ZZZ3: variants seen among roughly 807,000 people sequenced by gnomAD.
The protein encoded by ZZZ3 is zinc finger ZZ-type containing 3.
Under a neutral mutation model 95.2 loss-of-function variants are expected in ZZZ3, and 22 were observed. The observed-to-expected ratio is 0.23, with a 90% CI of 0.17 to 0.33. The LOEUF (loss-of-function observed/expected upper bound fraction) is 0.33, where lower values mean the gene tolerates loss of function less well. ZZZ3 is among the 10% of genes least tolerant of loss of function. The pLI, the probability that ZZZ3 is intolerant of heterozygous loss-of-function variation, is 1.00. For synonymous variants in ZZZ3, 335 were observed against 358.9 expected (o/e 0.93, Z 0.75); for missense variants, 885 against 1,066.5 (o/e 0.83, Z 2.37).
chr1:77,652,551 T>C (rs368718766), intron 1 of ZZZ3, among the ~76,000 whole-genome samples: 1 of 152,228 alleles, frequency 6.6e-6, no homozygotes, highest in South Asian at 2.1e-4. Flanking sequence ...CTCAACAAGT[T>C]AGACATACAA....
At chr1:77,665,813 C>T (rs1251129756) in intron 1 of ZZZ3, among the ~76,000 whole-genome samples, 3 of 151,934 alleles carry the variant, frequency 2.0e-5, no homozygotes, top group South Asian at 2.1e-4. Context: ...GAGGCCGAGG[C>T]GGGCGGATCA....
chr1:77,587,747 A>C (rs1167509828), intron 5 of ZZZ3, among the ~76,000 whole-genome samples: 1 of 152,154 alleles, frequency 6.6e-6, no homozygotes, highest in Non-Finnish European at 1.5e-5. Context: ...AACACAACAC[A>C]GTTCGAACTG....
At position 77,633,293 on chromosome 1, in the gene ZZZ3, TCA is replaced by T; in HGVS notation, c.60_61del (p.Asp20GlufsTer6). On this transcript the variant is annotated frameshift_variant, in exon 5 of 15. Coordinates refer to ENST00000370801, the MANE Select transcript of ZZZ3 (RefSeq NM_015534.6). LOFTEE classifies it high-confidence loss of function. Reference sequence around the variant, plus strand: ...CCTTAAAGTTCTACCACAAAAAGATTCATCCAAGCCGTTTAACCCCACTGTTG... The same window carrying T: ...CCTTAAAGTTCTACCACAAAAAGATTTCCAAGCCGTTTAACCCCACTGTTG... 2 of 1,613,986 alleles carry T rather than the reference TCA, an allele frequency of 1.2e-6. No homozygotes were observed. Among genetic ancestry groups the T allele is most frequent in the Non-Finnish European group, 1.7e-6 (2 of 1,179,946 alleles).
At chr1:77,674,741 CAGG>C (rs1361163228) in intron 1 of ZZZ3, among the ~76,000 whole-genome samples, 1 of 152,028 alleles carries the variant, frequency 6.6e-6, no homozygotes, top group Admixed American at 6.6e-5. Context: ...CACTTGAGGT[CAGG>C]AGTTCAAAAC....
intron 1 of ZZZ3, among the ~76,000 whole-genome samples, chr1:77,678,449 T>C (rs900313114): frequency 1.3e-5 from 2 of 152,186 alleles, no homozygotes; most frequent in African/African-American, 4.8e-5. Flanking sequence ...GTTACTTTTA[T>C]AGCAATCTCA....
chr1:77,597,805 C>A (rs546865916), intron 5 of ZZZ3, among the ~76,000 whole-genome samples: 1 of 152,064 alleles, frequency 6.6e-6, no homozygotes, highest in African/African-American at 2.4e-5. Flanking sequence ...ATGTGGTATC[C>A]TACATGGGAT....
At chr1:77,655,429 C>T (rs1670182077) in intron 1 of ZZZ3, among the ~76,000 whole-genome samples, 1 of 152,148 alleles carries the variant, frequency 6.6e-6, no homozygotes, top group Admixed American at 6.6e-5. Context: ...CAAGTTTAAG[C>T]CCCTTCAGCC....
chr1:77,661,608 A>T (rs1412933284), intron 1 of ZZZ3, among the ~76,000 whole-genome samples: 1 of 152,096 alleles, frequency 6.6e-6, no homozygotes, highest in African/African-American at 2.4e-5. Flanking sequence ...AAAAATTACA[A>T]CCTCTCTGAG....
chr1:77,637,078 C>A (rs775067845), intron 4 of ZZZ3, among the ~76,000 whole-genome samples: 18 of 152,160 alleles, frequency 1.2e-4, no homozygotes, highest in Non-Finnish European at 2.4e-4. Context: ...GACCTACCAA[C>A]GAATTAGGCT....
chr1:77,630,852 G>C (rs1667740707), intron 5 of ZZZ3, among the ~76,000 whole-genome samples: 1 of 152,112 alleles, frequency 6.6e-6, no homozygotes, highest in Non-Finnish European at 1.5e-5. Flanking sequence ...ACACATACCA[G>C]GGTCTGGCAA....
At chr1:77,674,687 C>G (rs1264588140) in intron 1 of ZZZ3, among the ~76,000 whole-genome samples, 2 of 152,104 alleles carry the variant, frequency 1.3e-5, no homozygotes, top group African/African-American at 4.8e-5. Context: ...TGCAGTGGCT[C>G]ACACCTGTAA....
intron 5 of ZZZ3, among the ~76,000 whole-genome samples, chr1:77,596,973 T>C (rs1019160359): frequency 1.3e-5 from 2 of 152,070 alleles, no homozygotes; most frequent in Non-Finnish European, 2.9e-5. Context: ...GACAGCTAAA[T>C]AAAAGCAACA....
intron 5 of ZZZ3, among the ~76,000 whole-genome samples, chr1:77,587,120 A>T (rs1307300390): frequency 6.6e-6 from 1 of 152,196 alleles, no homozygotes; most frequent in Non-Finnish European, 1.5e-5. Flanking sequence ...AACTAGATGA[A>T]GTACAAATAC....
At chr1:77,676,311 C>T (rs932131281) in intron 1 of ZZZ3, among the ~76,000 whole-genome samples, 1 of 152,260 alleles carries the variant, frequency 6.6e-6, no homozygotes, top group East Asian at 1.9e-4. Context: ...AAAGTACAGG[C>T]GCACGCCACC....
In ZZZ3 at chr1:77,632,543, G is replaced by GA; in HGVS notation, c.811dup (p.Ser271PhefsTer23). The GA allele has an allele frequency of 6.2e-7, 1 of 1,614,158 alleles. No individual in the cohort carries two copies. The highest frequency in any genetic ancestry group is 8.5e-7 in the Non-Finnish European group (1 of 1,180,012). On this transcript the variant is annotated frameshift_variant, in exon 5 of 15. Coordinates refer to ENST00000370801, the MANE Select transcript of ZZZ3 (RefSeq NM_015534.6). LOFTEE classifies it high-confidence loss of function. Reference sequence around the variant, plus strand: ...GTCCTCCAACTTGACCTGCACTTGTGAATCTGTGCAAGGCACCTTATGGTC... The same window carrying GA: ...GTCCTCCAACTTGACCTGCACTTGTGAAATCTGTGCAAGGCACCTTATGGTC...
intron 1 of ZZZ3, among the ~76,000 whole-genome samples, chr1:77,658,187 A>AC (rs1198608466): frequency 6.6e-6 from 1 of 151,222 alleles, no homozygotes; most frequent in Non-Finnish European, 1.5e-5. Context: ...TCAAAAAAAA[A>AC]AAAAAAAAAA....
chr1:77,667,385 C>T (rs1671334417), intron 1 of ZZZ3, among the ~76,000 whole-genome samples: 1 of 151,952 alleles, frequency 6.6e-6, no homozygotes, highest in Non-Finnish European at 1.5e-5. Flanking sequence ...TTTTTTTAAC[C>T]GTCTCCCTTG....
intron 5 of ZZZ3, among the ~76,000 whole-genome samples, chr1:77,607,066 G>A (rs1218456375): frequency 6.6e-6 from 1 of 152,170 alleles, no homozygotes; most frequent in Non-Finnish European, 1.5e-5. Flanking sequence ...AAATAGCTGT[G>A]TGTCTGTTCT....
chr1:77,605,222 A>G (rs1665116112), intron 5 of ZZZ3, among the ~76,000 whole-genome samples: 1 of 152,188 alleles, frequency 6.6e-6, no homozygotes, highest in Non-Finnish European at 1.5e-5. Context: ...GAGAAAATCT[A>G]TGATTAATGA....
Sources: gnomAD v4.1 joint callset for allele counts (sites outside exome capture counted in the v4.1 genomes callset) on GRCh38, gnomAD v4.1.1 for gene constraint, MANE v1.5 for transcripts, NCBI Gene and HGNC (gene_info 2026-07-23, HGNC 2026-07-21) for gene names.